The following GREB1 variants were observed in gnomAD, a reference collection of about 807,000 sequenced individuals.
GREB1 encodes the protein growth regulating estrogen receptor binding 1.
Under a neutral mutation model 200.7 loss-of-function variants are expected in GREB1, and 106 were observed. The ratio of observed to expected loss-of-function variants is 0.53; its 90% CI spans 0.45 to 0.62. The LOEUF (loss-of-function observed/expected upper bound fraction) is 0.62. GREB1 is among the 20% of genes least tolerant of loss of function. The pLI, the probability that GREB1 is intolerant of heterozygous loss-of-function variation, is 0.00. For synonymous variants in GREB1, 1,132 were observed against 1,092.4 expected, an observed-to-expected ratio of 1.04 and a Z score of -0.72; for missense variants, 2,243 against 2,556.8, an observed-to-expected ratio of 0.88 and a Z score of 2.65.
rs1311717229 is a variant in GREB1 at position 11,638,763 on chromosome 2, C to T, written c.5640C>T (p.Asp1880=). 1.2e-6 allele frequency: 2 copies of T among 1,614,060 alleles called. No homozygotes were observed. The highest frequency in any genetic ancestry group is 2.7e-5 in the African/African-American group (2 of 74,924). Residue 1880 remains aspartate (D), a synonymous_variant, in exon 32 of 33, where the codon GAC becomes GAT. Transcript: ENST00000381486. ...GTGGGCTGCTGCTGTACCTCTGTGA[C>T]TCTTTTGTGGGAGCTAGCTTTTTGA... ...LFSGLLLYLC[D]SFVGASFLKK...
In GREB1 at chr2:11,629,693, G is replaced by C. The variant is rs1251591823; in HGVS notation, c.4450-255G>C. ...GACCAGAAAGCTTGATGCCTGCTTG[G>C]CACAGCAGGGTGAGGCCCCATGCGG... On this transcript the variant is annotated intron_variant, in intron 25 of 32. Coordinates refer to ENST00000381486, the MANE Select transcript of GREB1 (RefSeq NM_014668.4). The surrounding 1 kb of genome is among the most constrained non-coding windows in gnomAD (Gnocchi z 5.2). Among the ~76,000 whole-genome samples, 2 of 152,162 alleles carry C rather than the reference G, an allele frequency of 1.3e-5. No individual in the cohort carries two copies. The highest frequency in any genetic ancestry group is 4.8e-5 in the African/African-American group (2 of 41,440).
intron 1 of GREB1, among the ~76,000 whole-genome samples, chr2:11,549,129 C>A: frequency 6.6e-6 from 1 of 152,068 alleles, no homozygotes; most frequent in Non-Finnish European, 1.5e-5. Context: ...ATCTGGAAAT[C>A]TATGTTTTTC....
chr2:11,491,377 T>G (rs891880353), intron 1 of GREB1, among the ~76,000 whole-genome samples: 3 of 152,226 alleles, frequency 2.0e-5, no homozygotes, highest in Non-Finnish European at 2.9e-5. Context: ...ATCCTGACAA[T>G]GTTATCAGAA....
intron 1 of GREB1, among the ~76,000 whole-genome samples, chr2:11,504,033 A>G (rs1030548109): frequency 6.6e-6 from 1 of 152,234 alleles, no homozygotes; most frequent in African/African-American, 2.4e-5. Flanking sequence ...ATAAAATAGA[A>G]CAATTATAGC....
At position 11,636,658 on chromosome 2, in the gene GREB1, TC is replaced by T. The variant is rs1319850606; in HGVS notation, c.5347-1054del. 5.3e-5 allele frequency among the ~76,000 whole-genome samples: 8 copies of T among 151,054 alleles called. No homozygotes were observed. The South Asian group carries it at 1.5e-3, about 28-fold the overall frequency. On this transcript the variant is annotated intron_variant, in intron 30 of 32. Coordinates refer to ENST00000381486, the MANE Select transcript of GREB1 (RefSeq NM_014668.4). ...GCGGGGAGACCTGAGTCTGTGGGAG[TC>T]CCCAGGGAAGTGATGTTAAAGGAGA...
intron 1 of GREB1, among the ~76,000 whole-genome samples, chr2:11,537,835 T>G (rs996613558): frequency 3.3e-5 from 5 of 151,076 alleles, no homozygotes; most frequent in African/African-American, 9.7e-5. Flanking sequence ...ATATAAGAAT[T>G]TAAAATTATC....
At chr2:11,588,600 A>T (rs916518174) in intron 9 of GREB1, 146 bp from the exon 10 acceptor site, 2 of 771,560 alleles carry the variant, frequency 2.6e-6, no homozygotes, top group African/African-American at 3.4e-5. Flanking sequence ...GCACTCAATG[A>T]GCAAGGCTTC....
chr2:11,508,807 C>T (rs1291003028), intron 1 of GREB1, among the ~76,000 whole-genome samples: 6 of 151,974 alleles, frequency 3.9e-5, no homozygotes, highest in African/African-American at 1.5e-4. Context: ...AAACGTTCAC[C>T]GTGGTTGTCT....
chr2:11,500,660 A>C (rs1254805386), intron 1 of GREB1, among the ~76,000 whole-genome samples: 3 of 152,200 alleles, frequency 2.0e-5, no homozygotes, highest in Non-Finnish European at 4.4e-5. Context: ...TACCTACTTG[A>C]TTTACAGGAA....
rs904696292 is a variant in GREB1, at chr2:11,539,896, G to T, written c.-162+5642G>T. 4.0e-5 allele frequency: 6 copies of T among 151,824 alleles called. No individual in the cohort carries two copies. In the East Asian group the frequency reaches 1.2e-3, roughly 30 times the overall value. The allele number at this position is 151,824 out of a possible 1,614,324, so 9.4% of individuals were successfully genotyped here. ...CTGGCTTGGCTGCCTCTCCCTGCCG[G>T]GCAGGGGCCAGGAAGCCTGGGTGTC... On this transcript the variant is annotated intron_variant, in intron 1 of 32. Transcript: ENST00000381486.
In GREB1 at chr2:11,518,318, G is replaced by C. The variant is rs148575993; in HGVS notation, c.-159+35937G>C. 2.4e-4 allele frequency among the ~76,000 whole-genome samples: 36 copies of C among 152,308 alleles called. No homozygotes were observed. The East Asian group carries it at 6.4e-3, about 27-fold the overall frequency. ...TTCGTGTATAGGAGAAAGTAGTCATGCTCATTTAAAGGTATTTTGGGCTGT... is the reference window on the plus strand; with the variant it reads ...TTCGTGTATAGGAGAAAGTAGTCATCCTCATTTAAAGGTATTTTGGGCTGT... On this transcript the variant is annotated intron_variant, in intron 1 of 2. Coordinates refer to the GREB1 transcript ENST00000628795.
At chr2:11,615,040 A>G (rs1683288905) in intron 19 of GREB1, 51 bp from the exon 20 acceptor site, 1 of 1,370,454 alleles carries the variant, frequency 7.3e-7, no homozygotes, top group South Asian at 1.2e-5. Flanking sequence ...TGGGAACAGC[A>G]CTCCACTTGT....
intron 2 of GREB1, among the ~76,000 whole-genome samples, chr2:11,558,890 A>G (rs1201265225): frequency 6.6e-6 from 1 of 152,088 alleles, no homozygotes; most frequent in East Asian, 1.9e-4. Context: ...ATTTAACAGG[A>G]GTCTTATTAC....
intron 1 of GREB1, among the ~76,000 whole-genome samples, chr2:11,513,198 T>A (rs575611487): frequency 2.0e-5 from 3 of 152,302 alleles, no homozygotes; most frequent in African/African-American, 7.2e-5. Context: ...ATCCTCTTTA[T>A]TTTCCCACAT....
chr2:11,618,465 C>A lies in GREB1; in HGVS notation c.3590C>A (p.Thr1197Lys). The change falls in exon 22 of 33, where the codon ACG becomes AAG. Residue 1197 changes from threonine (T) to lysine (K), a missense_variant. Transcript: ENST00000381486. Reference protein sequence around the residue: ...SAISRHSPGPTPQPDCSLRTG... With the variant: ...SAISRHSPGPKPQPDCSLRTG... The stretch of plus-strand genomic sequence containing the variant: ...ATCAGCAGGCACAGTCCCGGGCCGA[C>A]GCCCCAGCCCGACTGTAGCCTCAGG... 6.2e-7 allele frequency: 1 copy of A among 1,605,760 alleles called. No individual in the cohort carries two copies. The highest frequency in any genetic ancestry group is 2.2e-5 in the East Asian group (1 of 44,540).
chr2:11,621,289 C>T (rs1196560631), intron 23 of GREB1, among the ~76,000 whole-genome samples: 1 of 152,168 alleles, frequency 6.6e-6, no homozygotes, highest in East Asian at 1.9e-4. Flanking sequence ...ATGTCAATTT[C>T]TTAGGCCCAG....
intron 17 of GREB1, among the ~76,000 whole-genome samples, chr2:11,609,242 T>TTTTTTTTA (rs142161972): frequency 0.036 from 4,917 of 136,858 alleles, 172 homozygotes; most frequent in South Asian, 0.15. Flanking sequence ...GGCATTATTA[T>TTTTTTTTA]TTTATTTATT....
At position 11,611,001 on chromosome 2, in the gene GREB1, G is replaced by A; in HGVS notation, c.2980G>A (p.Gly994Arg). The change falls in exon 18 of 33, where the codon GGG (glycine) becomes AGG (arginine). Residue 994 changes from glycine to arginine, a missense_variant. Gly to Arg is a moderately radical substitution (Grantham distance 125, BLOSUM62 -2). Coordinates refer to ENST00000381486, the MANE Select transcript of GREB1 (RefSeq NM_014668.4). ...CAGTCCCAGCTCAGGCGTCACCGTG[G>A]GGAAGCACTTCGTAAAGCAGCTCAG... ...LGSPSSGVTV[G>R]KHFVKQLRMW... 1 of 1,599,964 alleles carries A rather than the reference G, an allele frequency of 6.3e-7. No homozygotes were observed. The highest frequency in any genetic ancestry group is 8.5e-7 in the Non-Finnish European group (1 of 1,173,336).
chr2:11,619,822 G>T (rs969012999), intron 22 of GREB1, among the ~76,000 whole-genome samples: 4 of 152,088 alleles, frequency 2.6e-5, no homozygotes, highest in African/African-American at 9.7e-5. Context: ...CATCTGTATT[G>T]CAGATATTTT....
Sources: gnomAD v4.1 joint callset for allele counts (sites outside exome capture counted in the v4.1 genomes callset) on GRCh38, gnomAD v4.1.1 for gene constraint, Gnocchi (gnomAD v3.1) non-coding constraint, MANE v1.5 for transcripts, NCBI Gene and HGNC (gene_info 2026-07-23, HGNC 2026-07-21) for gene names.